The following RCE1 variants were observed in gnomAD, a reference collection of about 807,000 sequenced individuals.
RCE1 encodes the protein Ras converting CAAX endopeptidase 1.
RCE1 carries 15 observed loss-of-function variants against 35.0 expected under a neutral mutation model. That is an observed-to-expected ratio of 0.43 (90% CI 0.29 to 0.66). The LOEUF (loss-of-function observed/expected upper bound fraction) is 0.66. Among genes scored for constraint, RCE1 ranks in the 30% least tolerant of loss-of-function variants. The pLI is 0.17. For missense variants in RCE1, 434 were observed against 433.0 expected (o/e 1.00, Z -0.02); for synonymous variants, 261 against 192.7 (o/e 1.35, Z -2.94).
intron 3 of RCE1, 61 bp from the exon 4 acceptor site, chr11:66,844,225 G>C (rs763922289): frequency 6.2e-6 from 10 of 1,611,100 alleles, no homozygotes; most frequent in Admixed American, 5.0e-5. Flanking sequence ...GTCTCAGGGA[G>C]CATGGGCAAA....
At position 66,843,625 on chromosome 11, in the gene RCE1, A is replaced by C; in HGVS notation, c.170A>C (p.Lys57Thr). The change falls in exon 1 of 8, where the codon AAG becomes ACG. Residue 57 changes from lysine to threonine, a missense_variant. Coordinates refer to ENST00000309657, the MANE Select transcript of RCE1 (RefSeq NM_005133.3). The part of the protein sequence containing the change: ...CSYVGSLYVW[K>T]SELPRDHPAV... ...TACGTGGGCAGCCTCTACGTCTGGA[A>C]GAGCGAACTGCCCAGGTGCGGGGGC... 1 of 1,601,598 alleles carries C rather than the reference A, an allele frequency of 6.2e-7. No individual in the cohort carries two copies. Among genetic ancestry groups the C allele is most frequent in the Non-Finnish European group, 8.5e-7 (1 of 1,177,336 alleles).
chr11:66,844,087 G>T, intron 3 of RCE1, 48 bp downstream of exon 3: 1 of 1,613,500 alleles, frequency 6.2e-7, no homozygotes, highest in South Asian at 1.1e-5. Context: ...TTATCAGCCT[G>T]ATGGGCAGTG....
intron 4 of RCE1, 61 bp from the exon 5 acceptor site, chr11:66,844,808 C>G (rs1006554557): frequency 6.7e-7 from 1 of 1,487,818 alleles, no homozygotes; most frequent in African/African-American, 1.4e-5. Context: ...CCCTTGGAGC[C>G]TCTGGGGTCT....
Position 66,846,241 on chromosome 11 carries a change from G to A in RCE1, c.*146G>A. The A allele has an allele frequency of 9.5e-7, 1 of 1,048,746 alleles. No individual in the cohort carries two copies. The highest frequency in any genetic ancestry group is 2.6e-5 in the East Asian group (1 of 37,962). The allele number at this position is 1,048,746 out of a possible 1,614,324, so 65.0% of individuals were successfully genotyped here. A position where few individuals can be genotyped will look rare whatever the true frequency, so the allele number is the denominator to read the frequency against. ...AAGCCAGAGCTAGTTGCGTCCCAGGGACCAAGAGAAAGAAGCAGATATCCA... is the reference window on the plus strand; with the variant it reads ...AAGCCAGAGCTAGTTGCGTCCCAGGAACCAAGAGAAAGAAGCAGATATCCA... On this transcript the variant is annotated 3_prime_UTR_variant, in exon 8 of 8. Transcript: ENST00000309657.
intron 7 of RCE1, 21 bp from the exon 8 acceptor site, chr11:66,845,839 G>T: frequency 6.2e-7 from 1 of 1,608,710 alleles, no homozygotes. Flanking sequence ...TGCTCCCTGA[G>T]CTGCTGTCTC....
intron 1 of RCE1, 57 bp downstream of exon 1, chr11:66,843,697 CG>C (rs1945138744): frequency 1.9e-6 from 3 of 1,602,894 alleles, no homozygotes; most frequent in Non-Finnish European, 2.6e-6. Context: ...TTGGGCGAGC[CG>C]GGGGCGGGTC....
In RCE1 at chr11:66,846,178, G is replaced by A. The variant is rs1945206702; in HGVS notation, c.*83G>A. 2.0e-6 allele frequency: 3 copies of A among 1,478,976 alleles called. No individual in the cohort carries two copies. The highest frequency in any genetic ancestry group is 4.7e-5 in the Admixed American group (2 of 42,534). 91.6% of individuals were successfully genotyped at this position (1,478,976 alleles called of 1,614,324 possible). A position where few individuals can be genotyped will look rare whatever the true frequency, so the allele number is the denominator to read the frequency against. ...GGGTACTGCAGGGGAAGGGCTGGCT[G>A]GGGTCCCCGAGATCTCAGGAATTTT... On this transcript the variant is annotated 3_prime_UTR_variant, in exon 8 of 8. Coordinates refer to ENST00000309657, the MANE Select transcript of RCE1 (RefSeq NM_005133.3).
Position 66,846,213 on chromosome 11 carries a change from T to C in RCE1, c.*118T>C. On this transcript the variant is annotated 3_prime_UTR_variant, in exon 8 of 8. Coordinates refer to ENST00000309657, the MANE Select transcript of RCE1 (RefSeq NM_005133.3). Reference sequence around the variant, plus strand: ...AGATCTCAGGAATTTTTGTAGGGGATTGAAGCCAGAGCTAGTTGCGTCCCA... The same window carrying C: ...AGATCTCAGGAATTTTTGTAGGGGACTGAAGCCAGAGCTAGTTGCGTCCCA... The C allele has an allele frequency of 7.7e-7, 1 of 1,305,008 alleles. No homozygotes were observed. The highest frequency in any genetic ancestry group is 1.0e-6 in the Non-Finnish European group (1 of 972,066). 80.8% of individuals were successfully genotyped at this position (1,305,008 alleles called of 1,614,324 possible).
At position 66,843,515 on chromosome 11, in the gene RCE1, G is replaced by A; in HGVS notation, c.60G>A (p.Pro20=). 3 of 1,497,602 alleles carry A rather than the reference G, an allele frequency of 2.0e-6. No individual in the cohort carries two copies. Among genetic ancestry groups the A allele is most frequent in the Admixed American group, 2.3e-5 (1 of 43,542 alleles). The allele number at this position is 1,497,602 out of a possible 1,614,324, so 92.8% of individuals were successfully genotyped here. Residue 20 remains proline, a synonymous_variant, in exon 1 of 8, where the codon CCG becomes CCA. Coordinates refer to ENST00000309657, the MANE Select transcript of RCE1 (RefSeq NM_005133.3). ...RLLSVSRPER[P]PESAALGGLG... ...TGTCGGTGTCGCGGCCGGAGCGGCCGCCCGAGTCGGCGGCGCTGGGCGGCC... is the reference window on the plus strand; with the variant it reads ...TGTCGGTGTCGCGGCCGGAGCGGCCACCCGAGTCGGCGGCGCTGGGCGGCC...
chr11:66,844,396 CACAGGCAGT>C (rs768624180), intron 4 of RCE1, 32 bp downstream of exon 4: 1 of 1,613,156 alleles, frequency 6.2e-7, no homozygotes, highest in Admixed American at 1.7e-5. Context: ...GAAAAGTAGG[CACAGGCAGT>C]CCAGGACATT....
In RCE1 at chr11:66,846,065, A is replaced by C. The variant is rs774489955; in HGVS notation, c.960A>C (p.Ala320=). ...SLPLCVLLER[A]GDSEAPLCS is the part of the protein sequence containing the mutation. ...CCCTTTGTGTGCTTTTGGAGCGGGC[A>C]GGGGACTCAGAGGCTCCCCTGTGCT... is the stretch of plus-strand genomic sequence containing the variant. The change falls in exon 8 of 8, where the codon GCA becomes GCC. Residue 320 remains alanine (A), a synonymous_variant. Transcript: ENST00000309657. The C allele has an allele frequency of 6.2e-7, 1 of 1,612,580 alleles. No individual in the cohort carries two copies. The highest frequency in any genetic ancestry group is 1.7e-5 in the Admixed American group (1 of 59,974).
At position 66,844,956 on chromosome 11, in the gene RCE1, G is replaced by A. The variant is rs1945176306; in HGVS notation, c.539G>A (p.Arg180Gln). Reference protein sequence around the residue: ...IAPLTEELVFRACMLPMLAPC... With the variant: ...IAPLTEELVFQACMLPMLAPC... ...CCGCTGACAGAGGAGCTGGTGTTCC[G>A]GGCCTGTATGCTGCCCATGTTAGCA... Residue 180 changes from arginine (R) to glutamine (Q), a missense_variant, in exon 5 of 8, where the codon CGG becomes CAG. By Grantham distance (43) the Arg-to-Gln change is conservative. Transcript: ENST00000309657. The A allele has an allele frequency of 2.5e-6, 4 of 1,607,222 alleles. No individual in the cohort carries two copies. The highest frequency in any genetic ancestry group is 2.5e-6 in the Non-Finnish European group (3 of 1,176,572).
chr11:66,844,314 T>C lies in RCE1; in HGVS notation c.401T>C (p.Leu134Pro). Residue 134 changes from leucine to proline, a missense_variant, in exon 4 of 8, where the codon CTC becomes CCC. Leu to Pro is a moderately conservative substitution (Grantham distance 98, BLOSUM62 -3). Coordinates refer to ENST00000309657, the MANE Select transcript of RCE1 (RefSeq NM_005133.3). ...MILFLGPLMQ[L>P]SMDCPCDLAD... is the part of the protein sequence containing the mutation. Reference sequence around the variant, plus strand: ...CTTTTCCTGGGCCCACTGATGCAGCTCTCTATGGATTGCCCTTGTGACCTG... The same window carrying C: ...CTTTTCCTGGGCCCACTGATGCAGCCCTCTATGGATTGCCCTTGTGACCTG... The C allele has an allele frequency of 6.2e-7, 1 of 1,614,084 alleles. No individual in the cohort carries two copies. Among genetic ancestry groups the C allele is most frequent in the Non-Finnish European group, 8.5e-7 (1 of 1,180,016 alleles).
chr11:66,845,320 G>A (rs1214504187), intron 6 of RCE1, 83 bp downstream of exon 6: 33 of 1,603,388 alleles, frequency 2.1e-5, no homozygotes, highest in Non-Finnish European at 2.7e-5. Context: ...GGGAACTGAG[G>A]GCCACAGTAT....
chr11:66,843,952 T>C lies in RCE1; in HGVS notation c.289-4T>C. The C allele has an allele frequency of 6.2e-7, 1 of 1,614,080 alleles. No homozygotes were observed. The highest frequency in any genetic ancestry group is 8.5e-7 in the Non-Finnish European group (1 of 1,180,026). On this transcript the variant is annotated splice_polypyrimidine_tract_variant and splice_region_variant and intron_variant, in intron 2 of 7. Coordinates refer to ENST00000309657, the MANE Select transcript of RCE1 (RefSeq NM_005133.3). ...AAACTGATGCCCCCTTTCCTGTGGC[T>C]CAGCCAGGCACATCCCTGCTCACCC...
intron 4 of RCE1, chr11:66,844,638 T>G: frequency 1.3e-6 from 1 of 755,396 alleles, no homozygotes; most frequent in Non-Finnish European, 2.1e-6. Flanking sequence ...GCTTAAATTT[T>G]GGTGTCTCCA....
At chr11:66,845,735 G>C in intron 7 of RCE1, 125 bp from the exon 8 acceptor site, 1 of 1,462,484 alleles carries the variant, frequency 6.8e-7, no homozygotes, top group Non-Finnish European at 9.3e-7. Context: ...AGGCCGTGGT[G>C]TGTGGGTGGA....
rs1236618352 is a variant in RCE1 at position 66,843,845 on chromosome 11, A to T, written c.272A>T (p.Glu91Val). ...LSPLCVLLWR[E>V]LTGIQPGTSL... is the part of the protein sequence containing the mutation. ...CCCCTGTGCGTGCTGCTCTGGAGGGAACTCACAGGCATCCAGGTGCGAAGG... is the reference window on the plus strand; with the variant it reads ...CCCCTGTGCGTGCTGCTCTGGAGGGTACTCACAGGCATCCAGGTGCGAAGG... Residue 91 changes from glutamate (E) to valine (V), a missense_variant, in exon 2 of 8, where the codon GAA (glutamate) becomes GTA (valine). By Grantham distance (121) the Glu-to-Val change is moderately radical. Transcript: ENST00000309657. 2 of 1,614,020 alleles carry T rather than the reference A, an allele frequency of 1.2e-6. No individual in the cohort carries two copies. Among genetic ancestry groups the T allele is most frequent in the Non-Finnish European group, 1.7e-6 (2 of 1,180,006 alleles).
chr11:66,845,196 GT>G lies in RCE1; in HGVS notation c.653del (p.Phe218SerfsTer37). ...AHFHHIIEQL[R>X]FRQSSVGNIF... The stretch of plus-strand genomic sequence containing the variant: ...TTTCACCATATTATTGAGCAGCTGC[GT>G]TTCCGCCAGAGCAGCGTGGGGAACA... On this transcript the variant is annotated frameshift_variant, in exon 6 of 8. Coordinates refer to ENST00000309657, the MANE Select transcript of RCE1 (RefSeq NM_005133.3). LOFTEE classifies it high-confidence loss of function. The G allele has an allele frequency of 6.2e-7, 1 of 1,614,220 alleles. No individual in the cohort carries two copies. Among genetic ancestry groups the G allele is most frequent in the Non-Finnish European group, 8.5e-7 (1 of 1,180,032 alleles).
Sources: gnomAD v4.1 joint callset for allele counts on GRCh38, gnomAD v4.1.1 for gene constraint, MANE v1.5 for transcripts, NCBI Gene and HGNC (gene_info 2026-07-23, HGNC 2026-07-21) for gene names.